The following TSGA10 variants were observed in gnomAD, a reference collection of about 807,000 sequenced individuals.
TSGA10 encodes the protein testis specific 10, also known as testis-specific gene 10 protein.
TSGA10 carries 43 observed loss-of-function variants against 96.6 expected under a neutral mutation model. The observed-to-expected ratio is 0.44, with a 90% CI of 0.35 to 0.57. The LOEUF is 0.57. TSGA10 is among the 20% of genes least tolerant of loss of function. The probability of loss-of-function intolerance (pLI) is 0.01; values close to 1 mark genes in which losing one functional copy is unlikely to be tolerated. For missense variants in TSGA10, 703 were observed against 834.4 expected (o/e 0.84, Z 1.94); for synonymous variants, 229 against 269.9 (o/e 0.85, Z 1.48).
chr2:99,105,491 T>G (rs1482542962), intron 8 of TSGA10, 36 bp downstream of exon 8: 7 of 1,613,438 alleles, frequency 4.3e-6, no homozygotes, highest in Non-Finnish European at 5.9e-6. Flanking sequence ...GAATTTGTGT[T>G]TCACATATAT....
intron 16 of TSGA10, among the ~76,000 whole-genome samples, chr2:99,062,652 C>T (rs1381731145): frequency 6.6e-6 from 1 of 152,166 alleles, no homozygotes; most frequent in Non-Finnish European, 1.5e-5. Flanking sequence ...GATGGATCAC[C>T]TGTGCCCAGG....
intron 4 of TSGA10, among the ~76,000 whole-genome samples, chr2:99,112,010 T>C (rs2091863715): frequency 6.6e-6 from 1 of 152,168 alleles, no homozygotes; most frequent in South Asian, 2.1e-4. Flanking sequence ...GATGTTATTT[T>C]CTTCATTTAC....
At chr2:99,127,786 G>A (rs188655421) in intron 1 of TSGA10, among the ~76,000 whole-genome samples, 6 of 152,126 alleles carry the variant, frequency 3.9e-5, no homozygotes, top group Non-Finnish European at 8.8e-5. Flanking sequence ...CGTATCACCG[G>A]TGGGAGAGTA....
chr2:99,084,965 A>T (rs1167853138), intron 10 of TSGA10, among the ~76,000 whole-genome samples: 4 of 151,722 alleles, frequency 2.6e-5, no homozygotes, highest in African/African-American at 4.8e-5. Context: ...GAATAAGTGC[A>T]TCCAGGCCGG....
At chr2:99,014,322 A>C (rs1344145022) in intron 20 of TSGA10, among the ~76,000 whole-genome samples, 1 of 152,124 alleles carries the variant, frequency 6.6e-6, no homozygotes, top group Admixed American at 6.5e-5. Flanking sequence ...GCAACAGAGC[A>C]AGATTCCATC....
At chr2:99,115,854 G>A (rs1223006540) in intron 4 of TSGA10, among the ~76,000 whole-genome samples, 1 of 152,144 alleles carries the variant, frequency 6.6e-6, no homozygotes, top group Admixed American at 6.5e-5. Context: ...ACTCCAGCCT[G>A]GGTGACAGAC....
intron 4 of TSGA10, among the ~76,000 whole-genome samples, chr2:99,112,451 A>C (rs1412633245): frequency 2.0e-5 from 3 of 152,156 alleles, no homozygotes; most frequent in Non-Finnish European, 4.4e-5. Flanking sequence ...AAATAATTAT[A>C]TAGTATACTA....
intron 20 of TSGA10, among the ~76,000 whole-genome samples, chr2:99,005,165 G>A (rs1253335219): frequency 6.6e-6 from 1 of 152,170 alleles, no homozygotes; most frequent in Non-Finnish European, 1.5e-5. Context: ...AGCTACTTAT[G>A]ACAAACCCAC....
At chr2:99,059,913 C>CAA (rs35460548) in intron 16 of TSGA10, among the ~76,000 whole-genome samples, 60 of 54,278 alleles carry the variant, frequency 1.1e-3, no homozygotes, top group South Asian at 2.5e-3. Context: ...GACCCCATCT[C>CAA]AAAAAAAAAA....
chr2:99,088,140 G>C (rs911012764), intron 10 of TSGA10, among the ~76,000 whole-genome samples: 1 of 152,146 alleles, frequency 6.6e-6, no homozygotes, highest in African/African-American at 2.4e-5. Context: ...ATAGCCCAAA[G>C]CTAGTACAAT....
chr2:99,142,482 A>G (rs2093578239), intron 1 of TSGA10: 1 of 152,218 alleles, frequency 6.6e-6, no homozygotes, highest in African/African-American at 2.4e-5. Context: ...AGTCATAAAA[A>G]TACATTTAAT....
intron 16 of TSGA10, among the ~76,000 whole-genome samples, chr2:99,057,408 A>C (rs2084131267): frequency 6.6e-6 from 1 of 152,176 alleles, no homozygotes; most frequent in Admixed American, 6.5e-5. Flanking sequence ...GCAAGGTTGC[A>C]GGATACAAGA....
intron 17 of TSGA10, among the ~76,000 whole-genome samples, chr2:99,034,680 A>T (rs2081460024): frequency 6.6e-6 from 1 of 152,050 alleles, no homozygotes; most frequent in Non-Finnish European, 1.5e-5. Context: ...CTCCTCCCTG[A>T]TATTCCTGGG....
intron 20 of TSGA10, among the ~76,000 whole-genome samples, chr2:99,002,581 C>T (rs1034053958): frequency 3.3e-5 from 5 of 152,164 alleles, no homozygotes; most frequent in African/African-American, 9.7e-5. Flanking sequence ...CATCAACTAA[C>T]GAGCAAAATA....
rs572962140 is a variant in TSGA10, at chr2:99,085,767, A to T, written c.612-4370T>A. On this transcript the variant is annotated intron_variant, in intron 10 of 20. Coordinates refer to ENST00000393483, the MANE Select transcript of TSGA10 (RefSeq NM_025244.4). ...AAATGTAGTAGATGAAGTTAAAAAA[A>T]ATACATGTTGTAAATAGTAGAATGG... Among the ~76,000 whole-genome samples, 265 of 152,248 alleles carry T rather than the reference A, an allele frequency of 1.7e-3. 1 individual carries two copies. Among genetic ancestry groups the T allele is most frequent in the African/African-American group, 5.9e-3 (247 of 41,552 alleles).
At chr2:99,018,082 A>T in intron 20 of TSGA10, 118 bp downstream of exon 20, 1 of 906,418 alleles carries the variant, frequency 1.1e-6, no homozygotes, top group Non-Finnish European at 1.6e-6. Flanking sequence ...TATCTTGGTA[A>T]TCATGTTTAA....
chr2:99,057,473 T>C (rs2084142585), intron 16 of TSGA10, among the ~76,000 whole-genome samples: 1 of 151,938 alleles, frequency 6.6e-6, no homozygotes, highest in African/African-American at 2.4e-5. Flanking sequence ...AATCTGAAAA[T>C]AAAAATAAGA....
At chr2:99,154,274 T>G (rs1430585237) in intron 1 of TSGA10, 7 of 152,256 alleles carry the variant, frequency 4.6e-5, no homozygotes, top group Admixed American at 4.6e-4. Context: ...GCAGCAAAAC[T>G]TAGCCGAAAC....
intron 16 of TSGA10, among the ~76,000 whole-genome samples, chr2:99,051,819 A>T (rs2083420355): frequency 6.6e-6 from 1 of 152,074 alleles, no homozygotes; most frequent in Non-Finnish European, 1.5e-5. Context: ...AGAAATGAAT[A>T]ACAGAAAAAA....
Sources: allele counts gnomAD v4.1 joint callset (sites outside exome capture counted in the v4.1 genomes callset), GRCh38; gene constraint gnomAD v4.1.1; transcripts MANE v1.5; gene names NCBI Gene and HGNC (gene_info 2026-07-23, HGNC 2026-07-21).